AFG2A: variants seen among roughly 807,000 people sequenced by gnomAD.
AFG2A encodes the protein AAA ATPase AFG2A.
chr4:123,265,330 T>A, the AFG2A span, among the ~76,000 whole-genome samples: 1 of 152,120 alleles, frequency 6.6e-6, no homozygotes. Context: ...AAACTCTTTG[T>A]TGGGAAAATA....
chr4:123,229,890 G>A, the AFG2A span, among the ~76,000 whole-genome samples: 5 of 151,826 alleles, frequency 3.3e-5, no homozygotes, highest in Admixed American at 2.6e-4. Context: ...TCGTATGTTC[G>A]GTTCCAGATC....
chr4:122,931,494 G>A, the AFG2A span, among the ~76,000 whole-genome samples: 5 of 151,966 alleles, frequency 3.3e-5, no homozygotes, highest in South Asian at 4.2e-4. Flanking sequence ...TATATGTAGC[G>A]TATGTATATA....
the AFG2A span, among the ~76,000 whole-genome samples, chr4:122,959,699 A>T: frequency 6.6e-6 from 1 of 152,218 alleles, no homozygotes; most frequent in Non-Finnish European, 1.5e-5. Context: ...TAGGATATGA[A>T]TACAAAACCT....
chr4:122,936,243 A>G, the AFG2A span: 2 of 878,462 alleles, frequency 2.3e-6, no homozygotes, highest in African/African-American at 3.5e-5. Flanking sequence ...CAAAGCATAA[A>G]CAGTAGTACA....
chr4:123,156,951 A>G, the AFG2A span, among the ~76,000 whole-genome samples: 1 of 151,942 alleles, frequency 6.6e-6, no homozygotes, highest in African/African-American at 2.4e-5. Flanking sequence ...TCTTCCTCAA[A>G]ATAAAAATTA....
At chr4:123,099,376 T>C in the AFG2A span, among the ~76,000 whole-genome samples, 1 of 151,958 alleles carries the variant, frequency 6.6e-6, no homozygotes, top group Admixed American at 6.6e-5. Context: ...ATTAGTCTAT[T>C]TTTTCTTTTG....
At chr4:123,147,030 C>T in the AFG2A span, among the ~76,000 whole-genome samples, 3 of 152,122 alleles carry the variant, frequency 2.0e-5, no homozygotes, top group Non-Finnish European at 2.9e-5. Flanking sequence ...ACTCCAAGAT[C>T]TATAACATTT....
the AFG2A span, among the ~76,000 whole-genome samples, chr4:122,930,327 A>G: frequency 6.6e-6 from 1 of 152,204 alleles, no homozygotes; most frequent in Admixed American, 6.5e-5. Flanking sequence ...TACAAAAAGC[A>G]TCTTTTTATA....
At chr4:123,271,870 T>G in the AFG2A span, among the ~76,000 whole-genome samples, 1 of 21,228 alleles carries the variant, frequency 4.7e-5, no homozygotes, top group Admixed American at 1.1e-3. Flanking sequence ...TAATATGTTT[T>G]TTTTTTTTTC....
At chr4:123,034,631 GT>G in the AFG2A span, among the ~76,000 whole-genome samples, 2 of 150,292 alleles carry the variant, frequency 1.3e-5, no homozygotes, top group Non-Finnish European at 2.9e-5. Flanking sequence ...ATGGTCTTTA[GT>G]TTAATAATAA....
chr4:123,005,333 T>C, the AFG2A span, among the ~76,000 whole-genome samples: 2 of 152,086 alleles, frequency 1.3e-5, no homozygotes, highest in African/African-American at 4.8e-5. Context: ...GTATTTTTAG[T>C]AGGGAAGGGT....
chr4:122,927,410 ATCT>A, the AFG2A span, among the ~76,000 whole-genome samples: 2 of 152,142 alleles, frequency 1.3e-5, no homozygotes, highest in East Asian at 3.8e-4. Flanking sequence ...CCCATAAAAC[ATCT>A]TCTTTTTAGT....
chr4:123,162,139 C>T, the AFG2A span, among the ~76,000 whole-genome samples: 2 of 152,132 alleles, frequency 1.3e-5, no homozygotes, highest in African/African-American at 4.8e-5. Context: ...AGAAGAGACA[C>T]TATAAAAGTG....
chr4:123,280,690 A>C, the AFG2A span, among the ~76,000 whole-genome samples: 75 of 152,284 alleles, frequency 4.9e-4, no homozygotes, highest in Non-Finnish European at 9.6e-4. Context: ...CCTGTTCCAC[A>C]TTTAAAGGAC....
At chr4:123,094,477 A>G in the AFG2A span, among the ~76,000 whole-genome samples, 2 of 152,278 alleles carry the variant, frequency 1.3e-5, no homozygotes, top group South Asian at 2.1e-4. Flanking sequence ...GCAATATAGG[A>G]GTCAAATATT....
At chr4:123,215,871 C>T in the AFG2A span, among the ~76,000 whole-genome samples, 3 of 152,164 alleles carry the variant, frequency 2.0e-5, no homozygotes, top group African/African-American at 7.2e-5. Flanking sequence ...GGTATTCTGT[C>T]TATGAATCTG....
the AFG2A span, among the ~76,000 whole-genome samples, chr4:122,923,906 C>T: frequency 3.2e-4 from 49 of 152,034 alleles, no homozygotes; most frequent in Non-Finnish European, 5.3e-4. Context: ...GTGGCAGAGC[C>T]GATATTTGAG....
At chr4:123,251,905 G>A in the AFG2A span, among the ~76,000 whole-genome samples, 1 of 151,900 alleles carries the variant, frequency 6.6e-6, no homozygotes, top group African/African-American at 2.4e-5. Flanking sequence ...CGTAAGTTAA[G>A]GATTGATTGA....
At chr4:123,038,892 A>C in the AFG2A span, among the ~76,000 whole-genome samples, 41 of 152,190 alleles carry the variant, frequency 2.7e-4, no homozygotes, top group East Asian at 3.1e-3. Context: ...TTTCTGTGGC[A>C]GTGGAGTGAC....
Sources: allele counts gnomAD v4.1 joint callset (sites outside exome capture counted in the v4.1 genomes callset), GRCh38; gene constraint gnomAD v4.1.1; transcripts MANE v1.5; gene names NCBI Gene and HGNC (gene_info 2026-07-23, HGNC 2026-07-21).